Variants in ABLIM1 observed in about 807,000 individuals in gnomAD.
The protein encoded by ABLIM1 is actin-binding LIM protein 1.
A neutral mutation model predicts 107.0 loss-of-function variants in ABLIM1; 40 were observed. The ratio of observed to expected loss-of-function variants is 0.37; its 90% confidence interval spans 0.29 to 0.49. The LOEUF (loss-of-function observed/expected upper bound fraction) is 0.49, where lower values mean the gene tolerates loss of function less well. Ranked by LOEUF, ABLIM1 falls within the 20% of genes least tolerant of loss-of-function variation. The pLI, the probability that ABLIM1 is intolerant of heterozygous loss-of-function variation, is 0.97. For missense variants in ABLIM1, 857 were observed against 1,008.5 expected (o/e 0.85, Z 2.04); for synonymous variants, 357 against 357.3 (o/e 1.00, Z 0.01).
chr10:114,575,544 G>C lies in ABLIM1; in HGVS notation c.435C>G (p.Leu145=). 1 of 1,614,232 alleles carries C rather than the reference G, an allele frequency of 6.2e-7. No individual in the cohort carries two copies. Among genetic ancestry groups the C allele is most frequent in the Non-Finnish European group, 8.5e-7 (1 of 1,180,036 alleles). ...ACATCCGCTGGTAGTCCAGGGTGCAGAGATACTCTCCGTTCTTTATGAAGA... is the reference window on the plus strand; with the variant it reads ...ACATCCGCTGGTAGTCCAGGGTGCACAGATACTCTCCGTTCTTTATGAAGA... ...GGFFIKNGEY[L]CTLDYQRMYG... The change falls in exon 3 of 23, where the codon CTC becomes CTG. Residue 145 remains leucine, a synonymous_variant. Coordinates refer to ENST00000533213, the MANE Select transcript of ABLIM1 (RefSeq NM_002313.7).
intron 1 of ABLIM1, among the ~76,000 whole-genome samples, chr10:114,667,772 C>T (rs1018674646): frequency 6.6e-6 from 1 of 152,164 alleles, no homozygotes; most frequent in African/African-American, 2.4e-5. Flanking sequence ...CCAGTATGTG[C>T]CCTTTCACCC....
At chr10:114,644,527 G>C (rs1006463791) in intron 1 of ABLIM1, among the ~76,000 whole-genome samples, 4 of 151,438 alleles carry the variant, frequency 2.6e-5, no homozygotes, top group African/African-American at 9.7e-5. Context: ...GGACCTTGTC[G>C]CATTCATTGC....
intron 1 of ABLIM1, among the ~76,000 whole-genome samples, chr10:114,635,331 T>C (rs977099148): frequency 6.6e-6 from 1 of 152,254 alleles, no homozygotes; most frequent in African/African-American, 2.4e-5. Context: ...TCAGTAGCGA[T>C]GCCAATTAGG....
intron 1 of ABLIM1, among the ~76,000 whole-genome samples, chr10:114,653,521 G>C (rs1433454456): frequency 1.3e-5 from 2 of 152,192 alleles, no homozygotes; most frequent in Admixed American, 1.3e-4. Context: ...TCCAGCCTCA[G>C]AGACAGAGGG....
Position 114,476,646 on chromosome 10 carries a change from A to AAATAATAATAATAATAATAAT in ABLIM1, c.1042-2711_1042-2691dup, listed in dbSNP as rs141618382. 4.5e-3 allele frequency among the ~76,000 whole-genome samples: 645 copies of AAATAATAATAATAATAATAAT among 143,274 alleles called. 2 individuals are homozygous for AAATAATAATAATAATAATAAT. Among genetic ancestry groups the AAATAATAATAATAATAATAAT allele is most frequent in the African/African-American group, 6.4e-3 (248 of 38,674 alleles). The allele number at this position is 143,274 out of a possible 152,430, so 94.0% of individuals were successfully genotyped here. A position where few individuals can be genotyped will look rare whatever the true frequency, so the allele number is the denominator to read the frequency against. On this transcript the variant is annotated intron_variant, in intron 8 of 22. Coordinates refer to ENST00000533213, the MANE Select transcript of ABLIM1 (RefSeq NM_002313.7). ...GCAACAAGAGTGAAACTCTGCCTCA[A>AAATAATAATAATAATAATAAT]AATAATAATAATAATAATAATAATA...
At chr10:114,718,018 G>A (rs143230112) in intron 1 of ABLIM1, among the ~76,000 whole-genome samples, 2,205 of 121,670 alleles carry the variant, frequency 0.018, 27 homozygotes, top group African/African-American at 0.044. Flanking sequence ...AAGGAAGGAA[G>A]GAAGGAAGGA....
At position 114,764,142 on chromosome 10, in the gene ABLIM1, C is replaced by A. The variant is rs979842252; in HGVS notation, c.-213+3919G>T. Among the ~76,000 whole-genome samples the A allele has an allele frequency of 4.6e-5, 7 of 152,234 alleles. No homozygotes were observed. The South Asian group carries it at 8.3e-4, about 18-fold the overall frequency. On this transcript the variant is annotated intron_variant, in intron 1 of 15. Transcript: ENST00000651092. The stretch of plus-strand genomic sequence containing the variant: ...TTCCTCTAGCTGGTAATTCAAAAAT[C>A]AAAATATAATGGATCCGTTTTGGTC...
chr10:114,480,366 T>C (rs2057153382), intron 8 of ABLIM1, among the ~76,000 whole-genome samples: 1 of 152,202 alleles, frequency 6.6e-6, no homozygotes, highest in African/African-American at 2.4e-5. Context: ...CAAATATTTA[T>C]CACCAAAGGT....
intron 13 of ABLIM1, among the ~76,000 whole-genome samples, chr10:114,452,550 TTA>T (rs1380607014): frequency 6.6e-6 from 1 of 152,182 alleles, no homozygotes; most frequent in Non-Finnish European, 1.5e-5. Context: ...AAAAAAATGA[TTA>T]TAGATTCTAA....
At chr10:114,704,336 T>TCAC (rs1566256375) in intron 1 of ABLIM1, among the ~76,000 whole-genome samples, 1 of 24,946 alleles carries the variant, frequency 4.0e-5, no homozygotes, top group Non-Finnish European at 9.7e-5. Flanking sequence ...ATATATATAT[T>TCAC]GCGCGCGTTA....
At chr10:114,481,365 G>GA (rs1407092522) in intron 8 of ABLIM1, among the ~76,000 whole-genome samples, 1 of 150,738 alleles carries the variant, frequency 6.6e-6, no homozygotes, top group East Asian at 1.9e-4. Context: ...TCTAAGGAGA[G>GA]AAACTACAGG....
intron 6 of ABLIM1, among the ~76,000 whole-genome samples, chr10:114,503,447 GA>G (rs1244074539): frequency 6.8e-6 from 1 of 147,054 alleles, no homozygotes; most frequent in Non-Finnish European, 1.5e-5. Flanking sequence ...AGATGTCTCC[GA>G]AAAAAAAGAA....
chr10:114,536,661 T>C (rs1031083549), intron 6 of ABLIM1, among the ~76,000 whole-genome samples: 8 of 152,212 alleles, frequency 5.3e-5, no homozygotes, highest in Admixed American at 2.6e-4. Flanking sequence ...TACCACCTTT[T>C]GCTTAATTCA....
Position 114,436,026 on chromosome 10 carries a change from G to A in ABLIM1, c.*234C>T. The A allele has an allele frequency of 1.9e-6, 1 of 522,052 alleles. No individual in the cohort carries two copies. Among genetic ancestry groups the A allele is most frequent in the Non-Finnish European group, 3.4e-6 (1 of 291,212 alleles). The allele number at this position is 522,052 out of a possible 1,614,324, so 32.3% of individuals were successfully genotyped here. ...AAGGTAATGTGAAAAGCTCACATGT[G>A]GACACTACTCTGTGTTTCGGAACAT... On this transcript the variant is annotated 3_prime_UTR_variant, in exon 23 of 23. Coordinates refer to ENST00000533213, the MANE Select transcript of ABLIM1 (RefSeq NM_002313.7).
At chr10:114,639,759 T>C (rs1467727861) in intron 1 of ABLIM1, among the ~76,000 whole-genome samples, 2 of 152,238 alleles carry the variant, frequency 1.3e-5, no homozygotes, top group Non-Finnish European at 2.9e-5. Flanking sequence ...ACTTGTGTTT[T>C]GTAAGTGAAG....
At chr10:114,516,734 A>G (rs2062878196) in intron 6 of ABLIM1, among the ~76,000 whole-genome samples, 1 of 152,250 alleles carries the variant, frequency 6.6e-6, no homozygotes, top group Admixed American at 6.5e-5. Flanking sequence ...TCAACCTTGG[A>G]AACTCTTTGA....
chr10:114,442,224 T>G (rs575083768), intron 17 of ABLIM1, among the ~76,000 whole-genome samples: 2 of 152,324 alleles, frequency 1.3e-5, no homozygotes, highest in African/African-American at 4.8e-5. Flanking sequence ...TCTGAATACA[T>G]TAGCCCATGC....
Position 114,602,101 on chromosome 10 carries a change from C to T in ABLIM1, c.245-140G>A, listed in dbSNP as rs533158913. 6.9e-6 allele frequency: 8 copies of T among 1,154,618 alleles called. No homozygotes were observed. The Admixed American group carries it at 9.0e-5, about 13-fold the overall frequency. The allele number at this position is 1,154,618 out of a possible 1,614,324, so 71.5% of individuals were successfully genotyped here. A position where few individuals can be genotyped will look rare whatever the true frequency, so the allele number is the denominator to read the frequency against. On this transcript the variant is annotated intron_variant, in intron 1 of 22. Transcript: ENST00000533213. ...TGTGAACAGAGCAGTCCCTCCAAGT[C>T]ATAATCCTAGAGACACAAAGACCCA...
intron 1 of ABLIM1, among the ~76,000 whole-genome samples, chr10:114,603,649 A>G (rs559044233): frequency 1.0e-3 from 157 of 151,344 alleles, no homozygotes; most frequent in Non-Finnish European, 1.8e-3. Context: ...AAAAAAAAAA[A>G]AAGAAGAAGA....
Sources: gnomAD v4.1 joint callset for allele counts (sites outside exome capture counted in the v4.1 genomes callset) on GRCh38, gnomAD v4.1.1 for gene constraint, MANE v1.5 for transcripts, NCBI Gene and HGNC (gene_info 2026-07-23, HGNC 2026-07-21) for gene names.